Variants in PTPRF observed in about 807,000 individuals in gnomAD.
The protein encoded by PTPRF is protein tyrosine phosphatase receptor type F.
In PTPRF, 59 loss-of-function variants were observed where a neutral mutation model predicts 201.8. The observed-to-expected ratio is 0.29, with a 90% CI of 0.24 to 0.36. The LOEUF (loss-of-function observed/expected upper bound fraction) is 0.36, where lower values mean the gene tolerates loss of function less well. Among genes scored for constraint, PTPRF ranks in the 10% least tolerant of loss-of-function variants. The pLI, the probability that PTPRF is intolerant of heterozygous loss-of-function variation, is 1.00. For missense variants in PTPRF, 2,132 were observed against 2,690.5 expected, an observed-to-expected ratio of 0.79 and a Z score of 4.59; for synonymous variants, 1,088 against 1,089.7, an observed-to-expected ratio of 1.00 and a Z score of 0.03.
At chr1:43,524,080 A>AAAGG, upstream of PTPRF, among the ~76,000 whole-genome samples, 1 of 150,548 alleles carries the variant, frequency 6.6e-6, no homozygotes, top group African/African-American at 2.4e-5. Flanking sequence ...AAAAAGGAAG[A>AAAGG]AAGAAAGAAA....
At chr1:43,582,110 C>CT (rs1647824710) in intron 7 of PTPRF, among the ~76,000 whole-genome samples, 2 of 152,214 alleles carry the variant, frequency 1.3e-5, no homozygotes, top group African/African-American at 4.8e-5. Flanking sequence ...GCTTCGGTGT[C>CT]TACCTCACAT....
At chr1:43,601,773 A>C (rs1275823849) in intron 13 of PTPRF, among the ~76,000 whole-genome samples, 3 of 152,100 alleles carry the variant, frequency 2.0e-5, no homozygotes, top group African/African-American at 7.2e-5. Flanking sequence ...TTGTCAGAGC[A>C]TCTGTAGCTG....
chr1:43,604,821 T>A, intron 16 of PTPRF, 82 bp from the exon 17 acceptor site: 1 of 1,190,546 alleles, frequency 8.4e-7, no homozygotes, highest in Admixed American at 1.7e-5. Context: ...TGTCTCATCC[T>A]GGCCATTCAC....
At chr1:43,577,865 G>C (rs933595641) in intron 6 of PTPRF, among the ~76,000 whole-genome samples, 2 of 152,180 alleles carry the variant, frequency 1.3e-5, no homozygotes, top group Admixed American at 6.5e-5. Flanking sequence ...GCCTGTGCCC[G>C]GGGGTGTGTC....
upstream of PTPRF, chr1:43,528,574 T>C (rs1643217020): frequency 6.6e-6 from 1 of 152,224 alleles, no homozygotes; most frequent in Non-Finnish European, 1.5e-5. Context: ...GTGTGTGGAC[T>C]GAAACCCAAA....
At chr1:43,611,126 G>A (rs976421272) in intron 22 of PTPRF, among the ~76,000 whole-genome samples, 2 of 152,242 alleles carry the variant, frequency 1.3e-5, no homozygotes, top group Non-Finnish European at 2.9e-5. Context: ...TGTCAGCTGG[G>A]ACACCCAACA....
At chr1:43,562,252 GCA>G (rs1645856780) in intron 5 of PTPRF, among the ~76,000 whole-genome samples, 1 of 152,110 alleles carries the variant, frequency 6.6e-6, no homozygotes, top group Non-Finnish European at 1.5e-5. Flanking sequence ...GGGACTACAG[GCA>G]CGCGCCACCA....
chr1:43,538,423 G>T (rs751586862), intron 2 of PTPRF, 146 bp downstream of exon 2: 2 of 397,062 alleles, frequency 5.0e-6, no homozygotes, highest in Non-Finnish European at 8.9e-6. Context: ...GTGTGCACTG[G>T]TGAGAGATTG....
At chr1:43,608,876 G>A (rs181308036) in intron 21 of PTPRF, among the ~76,000 whole-genome samples, 152 of 152,296 alleles carry the variant, frequency 1.0e-3, no homozygotes, top group African/African-American at 3.4e-3. Context: ...GAAAACTGAG[G>A]CCAGTGAGAG....
upstream of PTPRF, among the ~76,000 whole-genome samples, chr1:43,522,894 G>C (rs1168655532): frequency 6.6e-6 from 1 of 152,218 alleles, no homozygotes; most frequent in Non-Finnish European, 1.5e-5. Context: ...TAAGCCATTC[G>C]AAGGTTTTCG....
chr1:43,536,012 ACCTGCCTTGG>A (rs1428654596), intron 1 of PTPRF, among the ~76,000 whole-genome samples: 1 of 152,064 alleles, frequency 6.6e-6, no homozygotes, highest in Non-Finnish European at 1.5e-5. Context: ...CAAGTGATCC[ACCTGCCTTGG>A]CCTCCCAAAG....
chr1:43,567,722 G>C (rs1646281382), intron 5 of PTPRF, among the ~76,000 whole-genome samples: 1 of 152,216 alleles, frequency 6.6e-6, no homozygotes, highest in Admixed American at 6.5e-5. Flanking sequence ...AGAGGCTCCA[G>C]GGAGGGCTAG....
intron 23 of PTPRF, among the ~76,000 whole-genome samples, chr1:43,614,493 ACT>A (rs1657243983): frequency 6.6e-6 from 1 of 152,030 alleles, no homozygotes; most frequent in Non-Finnish European, 1.5e-5. Context: ...TGTCGGGGTG[ACT>A]CTGAGCATCC....
chr1:43,621,791 G>A (rs542073171), intron 33 of PTPRF, 144 bp from the exon 34 acceptor site: 25 of 737,898 alleles, frequency 3.4e-5, no homozygotes, highest in South Asian at 5.2e-5. Context: ...AGGCTCCCCC[G>A]CACACTGCCT....
intron 6 of PTPRF, among the ~76,000 whole-genome samples, chr1:43,574,316 T>A (rs1045788148): frequency 6.6e-6 from 1 of 152,140 alleles, no homozygotes; most frequent in Non-Finnish European, 1.5e-5. Context: ...TTATTTCTAT[T>A]GATGTTTACC....
intron 8 of PTPRF, among the ~76,000 whole-genome samples, chr1:43,590,756 A>G (rs1465330444): frequency 6.6e-6 from 1 of 152,200 alleles, no homozygotes; most frequent in Non-Finnish European, 1.5e-5. Context: ...TAAATGACCC[A>G]AGGCCCTGGG....
At chr1:43,531,831 G>A in intron 1 of PTPRF, among the ~76,000 whole-genome samples, 1 of 151,832 alleles carries the variant, frequency 6.6e-6, no homozygotes, top group Non-Finnish European at 1.5e-5. Context: ...GCCGCCCCGC[G>A]TCCCGTCCCG....
intron 21 of PTPRF, among the ~76,000 whole-genome samples, chr1:43,608,335 G>A (rs1256847117): frequency 6.6e-6 from 1 of 152,204 alleles, no homozygotes; most frequent in Non-Finnish European, 1.5e-5. Flanking sequence ...AAACAAGAAA[G>A]GTAGGAGTTG....
Position 43,590,959 on chromosome 1 carries a change from A to G in PTPRF, c.950-13A>G. The G allele has an allele frequency of 1.3e-6, 2 of 1,596,152 alleles. No homozygotes were observed. Among genetic ancestry groups the G allele is most frequent in the African/African-American group, 2.7e-5 (2 of 74,554 alleles). On this transcript the variant is annotated splice_polypyrimidine_tract_variant and intron_variant, in intron 8 of 33. Transcript: ENST00000359947. ...GACCTCGGGCAGCTTTGAGCCTTCC[A>G]CTTTGTCTCCAGCTCTTCCAAAGCC...
Sources: allele counts gnomAD v4.1 joint callset (sites outside exome capture counted in the v4.1 genomes callset), GRCh38; gene constraint gnomAD v4.1.1; transcripts MANE v1.5; gene names NCBI Gene and HGNC (gene_info 2026-07-23, HGNC 2026-07-21).